TPTE2: variants seen among roughly 807,000 people sequenced by gnomAD.
The protein encoded by TPTE2 is phosphatidylinositol 3,4,5-trisphosphate 3-phosphatase TPTE2.
TPTE2 carries 53 observed loss-of-function variants against 78.6 expected under a neutral mutation model. The ratio of observed to expected loss-of-function variants is 0.67; its 90% CI spans 0.54 to 0.85. The LOEUF (loss-of-function observed/expected upper bound fraction) is 0.85. TPTE2 is among the 40% of genes least tolerant of loss of function. TPTE2 has a pLI of 0.00. For missense variants in TPTE2, 461 were observed against 623.0 expected, an observed-to-expected ratio of 0.74 and a Z score of 2.77; for synonymous variants, 175 against 206.2, an observed-to-expected ratio of 0.85 and a Z score of 1.30.
chr13:19,560,801 C>CT, the TPTE2 span: 201 of 1,490,804 alleles, frequency 1.3e-4, 1 homozygote, highest in East Asian at 8.6e-4. Context: ...ACCGCTTGTA[C>CT]TCCCGCCCAC....
chr13:19,460,843 T>C (rs1878845555), intron 10 of TPTE2, among the ~76,000 whole-genome samples: 1 of 152,200 alleles, frequency 6.6e-6, no homozygotes, highest in Non-Finnish European at 1.5e-5. Flanking sequence ...GTAAACGGCA[T>C]TATATGTTTG....
intron 1 of TPTE2, among the ~76,000 whole-genome samples, chr13:19,524,423 A>G (rs557554260): frequency 9.3e-4 from 141 of 152,324 alleles, no homozygotes; most frequent in African/African-American, 3.3e-3. Flanking sequence ...TAGTACTTCC[A>G]GAACCAAGCA....
At chr13:19,521,633 AT>A (rs1870158303) in intron 1 of TPTE2, among the ~76,000 whole-genome samples, 1 of 151,722 alleles carries the variant, frequency 6.6e-6, no homozygotes, top group Non-Finnish European at 1.5e-5. Flanking sequence ...TTTCTTTGTC[AT>A]TTCTTTTACT....
chr13:19,536,887 C>G (rs1871242766), upstream of TPTE2: 1 of 150,656 alleles, frequency 6.6e-6, no homozygotes, highest in Admixed American at 6.6e-5. Flanking sequence ...TACATATACA[C>G]AATTATTTAT....
At chr13:19,520,479 C>A (rs1870081325) in intron 1 of TPTE2, among the ~76,000 whole-genome samples, 1 of 151,834 alleles carries the variant, frequency 6.6e-6, no homozygotes, top group Non-Finnish European at 1.5e-5. Context: ...TTATTTACCA[C>A]ATTTTTGAGT....
rs375529320 is a variant in TPTE2 at position 19,490,248 on chromosome 13, T to A, written c.119+2602A>T. Among the ~76,000 whole-genome samples the A allele has an allele frequency of 2.1e-4, 32 of 152,268 alleles. No homozygotes were observed. The South Asian group carries it at 6.4e-3, about 31-fold the overall frequency. On this transcript the variant is annotated intron_variant, in intron 3 of 19. Transcript: ENST00000400230. ...CACCCATCATTGATGACTCTACCAC[T>A]CATTGCTCTTTTTAATTCAATAGCT...
At position 19,451,114 on chromosome 13, in the gene TPTE2, C is replaced by T. The variant is rs879696372; in HGVS notation, c.802+51G>A. The stretch of plus-strand genomic sequence containing the variant: ...AAAAGCAAAATCATCTTCTTACGTG[C>T]AGTAATCTGTTTTCTACCTACAGTA... On this transcript the variant is annotated intron_variant, in intron 11 of 19. Transcript: ENST00000400230. 31 of 1,592,366 alleles carry T rather than the reference C, an allele frequency of 1.9e-5. No homozygotes were observed. The East Asian group carries it at 6.8e-4, about 35-fold the overall frequency.
intron 10 of TPTE2, among the ~76,000 whole-genome samples, chr13:19,451,843 G>GTGTGTGTATATA (rs1555249617): frequency 6.8e-6 from 1 of 147,028 alleles, no homozygotes; most frequent in Non-Finnish European, 1.5e-5. Context: ...GTGTGTGTGT[G>GTGTGTGTATATA]TATATATGTA....
At chr13:19,453,041 T>TTTTATTTTATTTTATTTTATTTTA (rs1878292440) in intron 10 of TPTE2, among the ~76,000 whole-genome samples, 1 of 148,956 alleles carries the variant, frequency 6.7e-6, no homozygotes, top group African/African-American at 2.5e-5. Flanking sequence ...TTTTATTTTA[T>TTTTATTTTATTTTATTTTATTTTA]TTTGAGATGG....
the TPTE2 span, among the ~76,000 whole-genome samples, chr13:19,551,776 T>C: frequency 6.6e-6 from 1 of 152,038 alleles, no homozygotes; most frequent in Non-Finnish European, 1.5e-5. Context: ...TTATCAAAAA[T>C]TAAGATATTA....
Position 19,428,018 on chromosome 13 carries a change from G to A in TPTE2, c.1303-1501C>T, listed in dbSNP as rs557744304. Among the ~76,000 whole-genome samples, 5 of 152,290 alleles carry A rather than the reference G, an allele frequency of 3.3e-5. No individual in the cohort carries two copies. The East Asian group carries it at 9.6e-4, about 29-fold the overall frequency. On this transcript the variant is annotated intron_variant, in intron 17 of 19. Transcript: ENST00000400230. ...ACTACTGGGGGCTAGTTAACAGAAGGTGCAGAATGCAAAAATTTCATTAAG... is the reference window on the plus strand; with the variant it reads ...ACTACTGGGGGCTAGTTAACAGAAGATGCAGAATGCAAAAATTTCATTAAG...
upstream of TPTE2, among the ~76,000 whole-genome samples, chr13:19,506,240 C>T (rs368281732): frequency 8.6e-4 from 97 of 113,298 alleles, 3 homozygotes; most frequent in East Asian, 0.027. Flanking sequence ...GGCGGGATCT[C>T]GGCTCACTGC....
At chr13:19,479,523 A>G (rs186287839) in intron 4 of TPTE2, among the ~76,000 whole-genome samples, 92 of 152,324 alleles carry the variant, frequency 6.0e-4, no homozygotes, top group African/African-American at 2.0e-3. Context: ...TAATAAAGAA[A>G]AAGATGATAA....
At chr13:19,460,691 G>A (rs1878833186) in intron 10 of TPTE2, among the ~76,000 whole-genome samples, 1 of 152,124 alleles carries the variant, frequency 6.6e-6, no homozygotes, top group African/African-American at 2.4e-5. Context: ...GTTCAGAACT[G>A]AGCTAACAAA....
At chr13:19,434,861 G>A (rs1313500306) in intron 15 of TPTE2, among the ~76,000 whole-genome samples, 1 of 152,176 alleles carries the variant, frequency 6.6e-6, no homozygotes, top group African/African-American at 2.4e-5. Flanking sequence ...CACAGCAAGG[G>A]CTTCAGAGAC....
chr13:19,557,032 C>T, the TPTE2 span, among the ~76,000 whole-genome samples: 2 of 152,212 alleles, frequency 1.3e-5, no homozygotes, highest in African/African-American at 4.8e-5. Flanking sequence ...CTTCCCATCT[C>T]CTGAACAATC....
intron 1 of TPTE2, among the ~76,000 whole-genome samples, chr13:19,502,263 G>A (rs1283276695): frequency 3.4e-5 from 5 of 148,218 alleles, no homozygotes; most frequent in East Asian, 2.0e-4. Flanking sequence ...ATCTAGAACT[G>A]GAAATACCAT....
At chr13:19,427,079 C>CTTTTTTTTTTTTTTT (rs55904352) in intron 17 of TPTE2, among the ~76,000 whole-genome samples, 1 of 67,292 alleles carries the variant, frequency 1.5e-5, no homozygotes, top group African/African-American at 6.4e-5. Context: ...CTTTTCTTTT[C>CTTTTTTTTTTTTTTT]TTTTTTTTTT....
intron 18 of TPTE2, 100 bp from the exon 22 acceptor site, chr13:19,425,117 CA>C: frequency 1.7e-6 from 1 of 580,282 alleles, no homozygotes; most frequent in South Asian, 2.3e-5. Context: ...ATTTATCAAA[CA>C]ATTATAACCA....
Sources: gnomAD v4.1 joint callset for allele counts (sites outside exome capture counted in the v4.1 genomes callset) on GRCh38, gnomAD v4.1.1 for gene constraint, MANE v1.5 for transcripts, NCBI Gene and HGNC (gene_info 2026-07-23, HGNC 2026-07-21) for gene names.